Variants in MMP26 observed in about 807,000 individuals in gnomAD.
MMP26 encodes matrix metallopeptidase 26.
A neutral mutation model predicts 31.0 loss-of-function variants in MMP26; 33 were observed. The ratio of observed to expected loss-of-function variants is 1.06; its 90% CI spans 0.81 to 1.42. The LOEUF is 1.42. MMP26 is among the 40% of genes most tolerant of loss of function. The pLI, the probability that MMP26 is intolerant of heterozygous loss-of-function variation, is 0.00. For synonymous variants in MMP26, 122 were observed against 114.9 expected (o/e 1.06, Z -0.40); for missense variants, 347 against 316.1 (o/e 1.10, Z -0.74).
rs74052363 is a variant in MMP26 at position 4,818,901 on chromosome 11, G to A, written c.-145+51560G>A. Among the ~76,000 whole-genome samples, 1,276 of 152,248 alleles carry A rather than the reference G, an allele frequency of 8.4e-3. 15 individuals are homozygous for A. The highest frequency in any genetic ancestry group is 0.029 in the African/African-American group (1,218 of 41,544). On this transcript the variant is annotated intron_variant, in intron 2 of 7. Transcript: ENST00000380390. Reference sequence around the variant, plus strand: ...AATTCAATAGTCCAGGTTAGAGAGTGAATACATTTGGAAAAGAGTATTTTG... The same window carrying A: ...AATTCAATAGTCCAGGTTAGAGAGTAAATACATTTGGAAAAGAGTATTTTG...
At chr11:4,935,688 A>G (rs1442254552) in intron 2 of MMP26, among the ~76,000 whole-genome samples, 1 of 150,196 alleles carries the variant, frequency 6.7e-6, no homozygotes, top group African/African-American at 2.4e-5. Flanking sequence ...GTTTTTGCCC[A>G]TTCAGTATGA....
At chr11:4,734,927 C>T (rs535721013) in intron 1 of MMP26, among the ~76,000 whole-genome samples, 1 of 150,018 alleles carries the variant, frequency 6.7e-6, no homozygotes, top group South Asian at 2.1e-4. Context: ...TATTCTCTGA[C>T]AGCTATGCCT....
intron 2 of MMP26, among the ~76,000 whole-genome samples, chr11:4,901,182 G>A (rs112382561): frequency 0.035 from 3,562 of 102,530 alleles, 207 homozygotes; most frequent in African/African-American, 0.13. Flanking sequence ...TTTTTGAGAC[G>A]GAGTCTCACT....
intron 1 of MMP26, among the ~76,000 whole-genome samples, chr11:4,750,733 C>A (rs1390812227): frequency 6.6e-6 from 1 of 151,740 alleles, no homozygotes; most frequent in Non-Finnish European, 1.5e-5. Flanking sequence ...CACATATGGC[C>A]GTTTAGAGTG....
intron 1 of MMP26, chr11:4,751,946 C>T (rs1848451808): frequency 6.6e-6 from 1 of 152,110 alleles, no homozygotes; most frequent in African/African-American, 2.4e-5. Flanking sequence ...TCACTCAACT[C>T]TAAAATTGCA....
chr11:4,721,453 A>G (rs1244134093), intron 1 of MMP26, among the ~76,000 whole-genome samples: 4 of 152,054 alleles, frequency 2.6e-5, no homozygotes, highest in Non-Finnish European at 5.9e-5. Flanking sequence ...TCTCTCCTCC[A>G]CCACTTCAGG....
At chr11:4,887,933 T>A (rs1331972780) in intron 2 of MMP26, among the ~76,000 whole-genome samples, 1 of 151,988 alleles carries the variant, frequency 6.6e-6, no homozygotes, top group Non-Finnish European at 1.5e-5. Context: ...AGGAAGATTG[T>A]CCCTCCCTTC....
chr11:4,839,286 C>T (rs7112537), intron 2 of MMP26, among the ~76,000 whole-genome samples: 6,474 of 151,936 alleles, frequency 0.043, 470 homozygotes, highest in African/African-American at 0.14. Context: ...AACTCTCAAA[C>T]GAGTCCTGTT....
At chr11:4,818,498 T>C (rs1849451199) in intron 2 of MMP26, among the ~76,000 whole-genome samples, 1 of 152,192 alleles carries the variant, frequency 6.6e-6, no homozygotes, top group African/African-American at 2.4e-5. Flanking sequence ...GAAAAAAAGA[T>C]TCATTATATT....
At chr11:4,950,981 A>G (rs1301256977) in intron 2 of MMP26, among the ~76,000 whole-genome samples, 1 of 124,110 alleles carries the variant, frequency 8.1e-6, no homozygotes, top group African/African-American at 2.7e-5. Context: ...ATTATCTTCT[A>G]TAGGTACATA....
chr11:4,868,725 T>C (rs920565381), intron 2 of MMP26, among the ~76,000 whole-genome samples: 1 of 152,118 alleles, frequency 6.6e-6, no homozygotes, highest in African/African-American at 2.4e-5. Context: ...TACTTTAAAG[T>C]TCATATGGAA....
chr11:4,897,282 G>A (rs1850720620), intron 2 of MMP26, among the ~76,000 whole-genome samples: 1 of 152,090 alleles, frequency 6.6e-6, no homozygotes. Flanking sequence ...TGGGATTACA[G>A]ACACATGCCA....
chr11:4,791,261 A>T (rs937696083), intron 2 of MMP26, among the ~76,000 whole-genome samples: 1 of 152,236 alleles, frequency 6.6e-6, no homozygotes, highest in Admixed American at 6.5e-5. Context: ...GGGACATAAT[A>T]TTCCAGGCTA....
intron 2 of MMP26, among the ~76,000 whole-genome samples, chr11:4,854,510 A>G (rs1046427122): frequency 6.6e-6 from 1 of 152,194 alleles, no homozygotes; most frequent in African/African-American, 2.4e-5. Flanking sequence ...CAGCAAGGCC[A>G]GGGGAGGGGC....
Position 4,988,173 on chromosome 11 carries a change from G to A in MMP26, c.-39G>A. The A allele has an allele frequency of 1.3e-6, 2 of 1,574,584 alleles. No individual in the cohort carries two copies. Among genetic ancestry groups the A allele is most frequent in the Non-Finnish European group, 1.7e-6 (2 of 1,144,082 alleles). On this transcript the variant is annotated 5_prime_UTR_variant, in exon 3 of 8. Transcript: ENST00000380390. ...ATAAAGATCCAGTGGCCCAAGTTGT[G>A]TACCTGAATTCAAGCAGTGGGACAA...
At chr11:4,748,887 G>A (rs111375126) in intron 1 of MMP26, among the ~76,000 whole-genome samples, 6,781 of 151,998 alleles carry the variant, frequency 0.045, 486 homozygotes, top group African/African-American at 0.16. Context: ...CTGAAACAAG[G>A]CAAGGATGCC....
At chr11:4,878,966 T>G (rs1382433805) in intron 2 of MMP26, among the ~76,000 whole-genome samples, 1 of 152,142 alleles carries the variant, frequency 6.6e-6, no homozygotes, top group East Asian at 1.9e-4. Flanking sequence ...CCGGGCGCGG[T>G]GGCTTACACC....
chr11:4,957,748 G>A (rs549322130), intron 2 of MMP26, among the ~76,000 whole-genome samples: 2 of 150,818 alleles, frequency 1.3e-5, no homozygotes, highest in African/African-American at 2.4e-5. Flanking sequence ...AGTGGATCTC[G>A]CCTCACTGCA....
chr11:4,769,437 G>C (rs1848680462), intron 2 of MMP26: 1 of 1,613,050 alleles, frequency 6.2e-7, no homozygotes, highest in African/African-American at 1.3e-5. Context: ...AGCAAAAGTA[G>C]TGGCAATATT....
Sources: gnomAD v4.1 joint callset for allele counts (sites outside exome capture counted in the v4.1 genomes callset) on GRCh38, gnomAD v4.1.1 for gene constraint, MANE v1.5 for transcripts, NCBI Gene and HGNC (gene_info 2026-07-23, HGNC 2026-07-21) for gene names.